The following NUP93 variants were observed in gnomAD, a reference collection of about 807,000 sequenced individuals.
NUP93 encodes nucleoporin 93.
A neutral mutation model predicts 107.8 loss-of-function variants in NUP93; 55 were observed. That is an observed-to-expected ratio of 0.51 (90% CI 0.41 to 0.64). The LOEUF is 0.64. Ranked by LOEUF, NUP93 falls within the 30% of genes least tolerant of loss-of-function variation. The pLI, the probability that NUP93 is intolerant of heterozygous loss-of-function variation, is 0.00. For synonymous variants in NUP93, 390 were observed against 397.5 expected, an observed-to-expected ratio of 0.98 and a Z score of 0.22; for missense variants, 937 against 1,044.7, an observed-to-expected ratio of 0.90 and a Z score of 1.42.
chr16:56,798,858 C>T (rs1484842867), intron 4 of NUP93, among the ~76,000 whole-genome samples: 3 of 144,194 alleles, frequency 2.1e-5, no homozygotes, highest in African/African-American at 5.2e-5. Context: ...GAATGAGGAG[C>T]GAGACCCTGT....
In NUP93 at chr16:56,761,136, C is replaced by G. The variant is rs564215042; in HGVS notation, c.297+2481C>G. ...AGTTTTGAAATAAGTTCTCTGTTCA[C>G]TTCATCTTCTTGCCAGCAAAGGCTT... is the stretch of plus-strand genomic sequence containing the variant. On this transcript the variant is annotated intron_variant, in intron 3 of 21. Coordinates refer to ENST00000308159, the MANE Select transcript of NUP93 (RefSeq NM_014669.5). Among the ~76,000 whole-genome samples, 8 of 152,362 alleles carry G rather than the reference C, an allele frequency of 5.3e-5. No individual in the cohort carries two copies. The South Asian group carries it at 1.7e-3, about 32-fold the overall frequency.
At chr16:56,734,548 G>T (rs1961582537) in intron 1 of NUP93, among the ~76,000 whole-genome samples, 1 of 152,158 alleles carries the variant, frequency 6.6e-6, no homozygotes, top group Non-Finnish European at 1.5e-5. Flanking sequence ...ATCCTTCCCA[G>T]TGTGGTGTGG....
At chr16:56,811,267 A>G (rs909293004) in intron 5 of NUP93, among the ~76,000 whole-genome samples, 1 of 152,168 alleles carries the variant, frequency 6.6e-6, no homozygotes, top group Non-Finnish European at 1.5e-5. Context: ...TCCTTGCCAC[A>G]CTTGATGTTT....
intron 5 of NUP93, among the ~76,000 whole-genome samples, chr16:56,816,273 C>T (rs1243780652): frequency 6.6e-6 from 1 of 152,150 alleles, no homozygotes; most frequent in Admixed American, 6.5e-5. Flanking sequence ...ATTATTGTAA[C>T]CCAGTGGTTT....
At chr16:56,802,782 C>G (rs1963049130) in intron 4 of NUP93, among the ~76,000 whole-genome samples, 1 of 152,176 alleles carries the variant, frequency 6.6e-6, no homozygotes, top group Admixed American at 6.5e-5. Context: ...TACTCATTCC[C>G]TTATTGCTGC....
chr16:56,815,306 A>C (rs1247223793), intron 5 of NUP93, among the ~76,000 whole-genome samples: 4 of 152,140 alleles, frequency 2.6e-5, no homozygotes, highest in East Asian at 3.9e-4. Flanking sequence ...AAGACTGTGG[A>C]ATCTCCAGCT....
intron 1 of NUP93, among the ~76,000 whole-genome samples, chr16:56,733,057 G>C (rs1961558707): frequency 6.6e-6 from 1 of 152,190 alleles, no homozygotes; most frequent in Admixed American, 6.5e-5. Context: ...CATGTGACAA[G>C]ATAGGGTTGG....
chr16:56,831,933 A>C lies in NUP93; in HGVS notation c.1177A>C (p.Ile393Leu). 6.2e-7 allele frequency: 1 copy of C among 1,614,118 alleles called. No individual in the cohort carries two copies. The highest frequency in any genetic ancestry group is 8.5e-7 in the Non-Finnish European group (1 of 1,180,000). ...TDPYKRAVYC[I>L]IGRCDVTDNQ... ...TCCCTACAAGCGGGCCGTGTACTGT[A>C]TCATTGGCAGATGTGACGTCACCGA... is the stretch of plus-strand genomic sequence containing the variant. Residue 393 changes from isoleucine to leucine, a missense_variant, in exon 11 of 22, where the codon ATC becomes CTC. Ile to Leu is a conservative substitution (Grantham distance 5, BLOSUM62 2). Coordinates refer to ENST00000308159, the MANE Select transcript of NUP93 (RefSeq NM_014669.5).
intron 1 of NUP93, among the ~76,000 whole-genome samples, chr16:56,744,062 G>A (rs1041616815): frequency 6.6e-6 from 1 of 152,136 alleles, no homozygotes; most frequent in Non-Finnish European, 1.5e-5. Flanking sequence ...TTCCTGTCCA[G>A]CCCCAATTGT....
intron 2 of NUP93, among the ~76,000 whole-genome samples, chr16:56,749,400 A>C (rs1415270262): frequency 6.6e-6 from 1 of 152,186 alleles, no homozygotes. Context: ...TAAAGTCAGG[A>C]TTCAAACCTA....
chr16:56,748,322 G>A lies in NUP93; in HGVS notation c.75G>A (p.Glu25=). Reference sequence around the variant, plus strand: ...CTGCTGAGACTGAGGGCATCTCAGAGCTTCCCCATGTGGAACGGAACTTAC... The same window carrying A: ...CTGCTGAGACTGAGGGCATCTCAGAACTTCCCCATGTGGAACGGAACTTAC... The part of the protein sequence containing the change: ...QLAAETEGIS[E]LPHVERNLQE... The change falls in exon 2 of 22, where the codon GAG becomes GAA. Residue 25 remains glutamate, a synonymous_variant. Transcript: ENST00000308159. 2.5e-6 allele frequency: 4 copies of A among 1,614,042 alleles called. No individual in the cohort carries two copies. Among genetic ancestry groups the A allele is most frequent in the Non-Finnish European group, 2.5e-6 (3 of 1,179,970 alleles).
intron 21 of NUP93, among the ~76,000 whole-genome samples, chr16:56,843,774 C>G (rs1481954558): frequency 6.6e-6 from 1 of 152,186 alleles, no homozygotes; most frequent in African/African-American, 2.4e-5. Context: ...CTGGAATGGT[C>G]CTTAAGTAAG....
intron 1 of NUP93, among the ~76,000 whole-genome samples, chr16:56,745,519 G>A (rs1375144418): frequency 3.3e-5 from 5 of 152,218 alleles, no homozygotes; most frequent in Non-Finnish European, 7.3e-5. Flanking sequence ...GGAGACTGCT[G>A]AGAGAGTCTA....
At chr16:56,803,101 G>T (rs915879585) in intron 4 of NUP93, among the ~76,000 whole-genome samples, 8 of 152,016 alleles carry the variant, frequency 5.3e-5, no homozygotes, top group Non-Finnish European at 1.0e-4. Flanking sequence ...ATCCCAGAGG[G>T]CTCTTTTTCT....
chr16:56,821,437 C>A, intron 6 of NUP93, 67 bp from the exon 7 acceptor site: 1 of 1,141,886 alleles, frequency 8.8e-7, no homozygotes, highest in Non-Finnish European at 1.3e-6. Context: ...CCATTGCCTG[C>A]TTCAGGAGGT....
intron 3 of NUP93, among the ~76,000 whole-genome samples, chr16:56,794,927 CAAAAAAAAAAAAAAAAAA>C (rs747651772): frequency 6.4e-4 from 46 of 71,946 alleles, no homozygotes; most frequent in African/African-American, 2.6e-3. Context: ...GACTCTGTCT[CAAAAAAAAAAAAAAAAAA>C]AAAAAAAAAA....
intron 13 of NUP93, among the ~76,000 whole-genome samples, chr16:56,833,738 G>C (rs1795285184): frequency 6.6e-6 from 1 of 152,086 alleles, no homozygotes; most frequent in South Asian, 2.1e-4. Context: ...AATGACATTG[G>C]AAACCCCAGC....
At chr16:56,792,669 T>C (rs535605894) in intron 3 of NUP93, among the ~76,000 whole-genome samples, 6 of 152,240 alleles carry the variant, frequency 3.9e-5, no homozygotes, top group Non-Finnish European at 5.9e-5. Flanking sequence ...AACACACTTA[T>C]ACCTGGCACA....
At position 56,794,054 on chromosome 16, in the gene NUP93, C is replaced by CTAGA. The variant is rs532631040; in HGVS notation, c.298-4406_298-4403dup. The stretch of plus-strand genomic sequence containing the variant: ...TGGGTGGCAGAGCGAGACTCCATCT[C>CTAGA]TAGATAGATAGATAGATAGGTAGGT... On this transcript the variant is annotated intron_variant, in intron 3 of 21. Transcript: ENST00000308159. Among the ~76,000 whole-genome samples, 790 of 144,788 alleles carry CTAGA rather than the reference C, an allele frequency of 5.5e-3. 16 individuals carry two copies. Among genetic ancestry groups the CTAGA allele is most frequent in the Middle Eastern group, 3.4e-3 (1 of 290 alleles). The allele number at this position is 144,788 out of a possible 152,430, so 95.0% of individuals were successfully genotyped here.
Sources: gnomAD v4.1 joint callset for allele counts (sites outside exome capture counted in the v4.1 genomes callset) on GRCh38, gnomAD v4.1.1 for gene constraint, MANE v1.5 for transcripts, NCBI Gene and HGNC (gene_info 2026-07-23, HGNC 2026-07-21) for gene names.